The following QTRT2 variants were observed in gnomAD, a reference collection of about 807,000 sequenced individuals.
QTRT2 encodes queuine tRNA-ribosyltransferase accessory subunit 2.
QTRT2 carries 32 observed loss-of-function variants against 44.8 expected under a neutral mutation model. The ratio of observed to expected loss-of-function variants is 0.71; its 90% CI spans 0.54 to 0.96. The LOEUF is 0.96. Ranked by LOEUF, QTRT2 falls within the 40% of genes least tolerant of loss-of-function variation. The pLI, the probability that QTRT2 is intolerant of heterozygous loss-of-function variation, is 0.00. For missense variants in QTRT2, 461 were observed against 503.1 expected (o/e 0.92, Z 0.80); for synonymous variants, 182 against 187.4 (o/e 0.97, Z 0.24).
At chr3:114,075,577 C>T (rs965886409) in intron 6 of QTRT2, among the ~76,000 whole-genome samples, 3 of 149,290 alleles carry the variant, frequency 2.0e-5, no homozygotes, top group Non-Finnish European at 4.4e-5. Context: ...GGCGCAATCT[C>T]CACTCAGCGC....
Position 114,088,235 on chromosome 3 carries a change from C to A in QTRT2, c.*2331C>A, listed in dbSNP as rs1231863498. On this transcript the variant is annotated 3_prime_UTR_variant, in exon 10 of 10. Transcript: ENST00000281273. ...AAACACTGAAAACTGTGTCCAATAT[C>A]GTTCAGTTTCCTGGGTCTTTTTCTT... is the stretch of plus-strand genomic sequence containing the variant. 6.6e-6 allele frequency: 1 copy of A among 152,152 alleles called. No homozygotes were observed. The allele number at this position is 152,152 out of a possible 1,614,324, so 9.4% of individuals were successfully genotyped here. A position where few individuals can be genotyped will look rare whatever the true frequency, so the allele number is the denominator to read the frequency against.
chr3:114,061,220 G>A (rs1335421939), intron 2 of QTRT2, among the ~76,000 whole-genome samples: 1 of 152,102 alleles, frequency 6.6e-6, no homozygotes, highest in Non-Finnish European at 1.5e-5. Flanking sequence ...TTGGCTTCAT[G>A]TATTGCATTC....
Position 114,070,797 on chromosome 3 carries a change from C to A in QTRT2, c.505C>A (p.Leu169Ile). The change falls in exon 6 of 10, where the codon CTT (leucine) becomes ATT (isoleucine). Residue 169 changes from leucine (L) to isoleucine (I), a missense_variant. Transcript: ENST00000281273. ...RVRKSVDRSL[L>I]FLDNCLRLQE... ...CAGAAAGTCTGTTGACCGATCACTTCTTTTCTTGGATAACTGTCTGCGGCT... is the reference window on the plus strand; with the variant it reads ...CAGAAAGTCTGTTGACCGATCACTTATTTTCTTGGATAACTGTCTGCGGCT... 1 of 1,614,046 alleles carries A rather than the reference C, an allele frequency of 6.2e-7. No homozygotes were observed. Among genetic ancestry groups the A allele is most frequent in the Admixed American group, 1.7e-5 (1 of 60,006 alleles).
chr3:114,066,170 C>T (rs2076951117), intron 3 of QTRT2, 58 bp from the exon 4 acceptor site: 5 of 1,255,746 alleles, frequency 4.0e-6, no homozygotes, highest in Non-Finnish European at 5.8e-6. Flanking sequence ...TCCAGTTGTA[C>T]AGAGTATTTA....
intron 6 of QTRT2, among the ~76,000 whole-genome samples, chr3:114,073,389 G>GTTT (rs1553759124): frequency 2.0e-4 from 31 of 152,106 alleles, no homozygotes; most frequent in Non-Finnish European, 3.5e-4. Flanking sequence ...TGTTTTGTTT[G>GTTT]TTTTTTTGAG....
chr3:114,072,949 T>G (rs541093858), intron 6 of QTRT2, among the ~76,000 whole-genome samples: 27 of 152,232 alleles, frequency 1.8e-4, no homozygotes, highest in African/African-American at 6.0e-4. Context: ...ATATTTGAGA[T>G]CATGTATGTG....
intron 4 of QTRT2, among the ~76,000 whole-genome samples, chr3:114,067,043 G>A (rs1430351790): frequency 1.3e-5 from 2 of 152,066 alleles, no homozygotes; most frequent in African/African-American, 2.4e-5. Context: ...GCTTTTTCTG[G>A]TATCTAGGAC....
rs1378756030 is a variant in QTRT2, at chr3:114,070,730, T to C, written c.438T>C (p.Asp146=). The part of the protein sequence containing the change: ...LQPDWFQCLS[D]GEVSCKEATS... ...CAGACTGGTTCCAGTGCCTCTCCGA[T>C]GGAGAAGTATCTTGTAAGGAAGCAA... The change falls in exon 6 of 10, where the codon GAT becomes GAC. Residue 146 remains aspartate (D), a synonymous_variant. Transcript: ENST00000281273. 5 of 1,613,948 alleles carry C rather than the reference T, an allele frequency of 3.1e-6. No homozygotes were observed. Among genetic ancestry groups the C allele is most frequent in the East Asian group, 4.5e-5 (2 of 44,880 alleles).
In QTRT2 at chr3:114,085,883, C is replaced by G. The variant is rs1250909892; in HGVS notation, c.1227C>G (p.Leu409=). Residue 409 remains leucine, a synonymous_variant, in exon 10 of 10, where the codon CTC becomes CTG. Coordinates refer to ENST00000281273, the MANE Select transcript of QTRT2 (RefSeq NM_024638.4). ...KSDKLAQLKE[L]IHRQAS is the part of the protein sequence containing the mutation. Reference sequence around the variant, plus strand: ...ACAAACTGGCACAGTTGAAAGAGCTCATCCACAGGCAAGCATCTTGAGATC... The same window carrying G: ...ACAAACTGGCACAGTTGAAAGAGCTGATCCACAGGCAAGCATCTTGAGATC... 1.2e-6 allele frequency: 2 copies of G among 1,613,938 alleles called. No homozygotes were observed. Among genetic ancestry groups the G allele is most frequent in the Non-Finnish European group, 1.7e-6 (2 of 1,179,832 alleles).
Position 114,081,747 on chromosome 3 carries a change from A to C in QTRT2, c.899-930A>C, listed in dbSNP as rs146473893. Among the ~76,000 whole-genome samples, 146 of 152,216 alleles carry C rather than the reference A, an allele frequency of 9.6e-4. 4 individuals are homozygous for C. The East Asian group carries it at 0.016, about 17-fold the overall frequency. On this transcript the variant is annotated intron_variant, in intron 8 of 9. Coordinates refer to ENST00000281273, the MANE Select transcript of QTRT2 (RefSeq NM_024638.4). The stretch of plus-strand genomic sequence containing the variant: ...GCCACTGCGGCCAGCTGAGAGCTTC[A>C]TTATGGTTTCCCACATCAGCATGCA...
chr3:114,082,676 G>A lies in QTRT2; in HGVS notation c.899-1G>A. ...AGCCTTTTTATTGGTTTGTCCTTCA[G>A]TACTACAACAAAATGGAACACAAGA... On this transcript the variant is annotated splice_acceptor_variant, in intron 8 of 9. Transcript: ENST00000281273. LOFTEE classifies it high-confidence loss of function. 7.9e-7 allele frequency: 1 copy of A among 1,267,240 alleles called. No individual in the cohort carries two copies. The highest frequency in any genetic ancestry group is 1.3e-5 in the South Asian group (1 of 74,802). 78.5% of individuals were successfully genotyped at this position (1,267,240 alleles called of 1,614,324 possible). A position where few individuals can be genotyped will look rare whatever the true frequency, so the allele number is the denominator to read the frequency against.
intron 9 of QTRT2, among the ~76,000 whole-genome samples, chr3:114,084,108 G>A (rs1331170419): frequency 6.6e-6 from 1 of 150,716 alleles, no homozygotes; most frequent in African/African-American, 2.4e-5. Context: ...TGTTGCCCAG[G>A]CCAGAGTGCA....
chr3:114,087,072 G>A lies in QTRT2; in HGVS notation c.*1168G>A. 6.6e-6 allele frequency: 1 copy of A among 152,090 alleles called. No homozygotes were observed. Among genetic ancestry groups the A allele is most frequent in the Non-Finnish European group, 1.5e-5 (1 of 68,018 alleles). The allele number at this position is 152,090 out of a possible 1,614,324, so 9.4% of individuals were successfully genotyped here. A position where few individuals can be genotyped will look rare whatever the true frequency, so the allele number is the denominator to read the frequency against. ...GGTAGGGGAAGGTAATTCTTTCTAA[G>A]TTACCTCTGTATTTTTCAAGTTTTC... is the stretch of plus-strand genomic sequence containing the variant. On this transcript the variant is annotated 3_prime_UTR_variant, in exon 10 of 10. Coordinates refer to ENST00000281273, the MANE Select transcript of QTRT2 (RefSeq NM_024638.4).
intron 5 of QTRT2, 92 bp from the exon 6 acceptor site, chr3:114,070,534 G>T (rs2077010836): frequency 9.1e-7 from 1 of 1,098,392 alleles, no homozygotes; most frequent in Non-Finnish European, 1.3e-6. Flanking sequence ...CTCTGCAGTT[G>T]TAAAGAAGAA....
intron 6 of QTRT2, among the ~76,000 whole-genome samples, chr3:114,074,983 A>G (rs930266437): frequency 5.9e-5 from 9 of 152,222 alleles, no homozygotes; most frequent in African/African-American, 1.9e-4. Context: ...GGTTGTTTCC[A>G]GTTTTTCATT....
rs781743785 is a variant in QTRT2 at position 114,085,847 on chromosome 3, A to G, written c.1191A>G (p.Ala397=). The G allele has an allele frequency of 6.2e-7, 1 of 1,614,222 alleles. No homozygotes were observed. The highest frequency in any genetic ancestry group is 1.1e-5 in the South Asian group (1 of 91,084). The change falls in exon 10 of 10, where the codon GCA becomes GCG. Residue 397 remains alanine, a synonymous_variant. Transcript: ENST00000281273. ...YFGFFHYIRE[A]LKSDKLAQLK... ...GGTTTTTCCATTACATCCGGGAAGC[A>G]CTAAAAAGTGACAAACTGGCACAGT...
At chr3:114,075,626 A>G (rs752740611) in intron 6 of QTRT2, among the ~76,000 whole-genome samples, 1 of 149,620 alleles carries the variant, frequency 6.7e-6, no homozygotes, top group African/African-American at 2.5e-5. Flanking sequence ...CTCCCACCTC[A>G]GCCTCCCGAG....
intron 8 of QTRT2, among the ~76,000 whole-genome samples, chr3:114,081,007 G>A (rs1166330985): frequency 1.3e-5 from 2 of 152,142 alleles, no homozygotes; most frequent in Non-Finnish European, 2.9e-5. Flanking sequence ...ATGTGGATAG[G>A]TATACCATTA....
chr3:114,081,598 G>T (rs1464944998), intron 8 of QTRT2, among the ~76,000 whole-genome samples: 1 of 152,104 alleles, frequency 6.6e-6, no homozygotes, highest in East Asian at 1.9e-4. Context: ...CCACCATGCT[G>T]GGCTAATTTT....
Sources: gnomAD v4.1 joint callset for allele counts (sites outside exome capture counted in the v4.1 genomes callset) on GRCh38, gnomAD v4.1.1 for gene constraint, MANE v1.5 for transcripts, NCBI Gene and HGNC (gene_info 2026-07-23, HGNC 2026-07-21) for gene names.